The following DPP10 variants were observed in gnomAD, a reference collection of about 807,000 sequenced individuals.
The protein encoded by DPP10 is inactive dipeptidyl peptidase 10.
A neutral mutation model predicts 120.9 loss-of-function variants in DPP10; 33 were observed. The observed-to-expected ratio is 0.27, with a 90% CI of 0.21 to 0.37. DPP10 has a LOEUF of 0.37. Among genes scored for constraint, DPP10 ranks in the 10% least tolerant of loss-of-function variants. The pLI, the probability that DPP10 is intolerant of heterozygous loss-of-function variation, is 1.00. For missense variants in DPP10, 816 were observed against 942.8 expected, an observed-to-expected ratio of 0.87 and a Z score of 1.76; for synonymous variants, 337 against 326.1, an observed-to-expected ratio of 1.03 and a Z score of -0.36.
At chr2:115,284,324 C>A (rs1375148482) in intron 1 of DPP10, among the ~76,000 whole-genome samples, 1 of 152,010 alleles carries the variant, frequency 6.6e-6, no homozygotes, top group Non-Finnish European at 1.5e-5. Flanking sequence ...TGTCATGTTT[C>A]TGTTAAACCA....
intron 5 of DPP10, among the ~76,000 whole-genome samples, chr2:115,656,133 A>AACACACACACACACACAC (rs146572509): frequency 2.8e-5 from 4 of 143,228 alleles, no homozygotes; most frequent in African/African-American, 1.0e-4. Flanking sequence ...GTTCTTACCA[A>AACACACACACACACACAC]ACACACACAC....
In DPP10 at chr2:114,835,131, A is replaced by C. The variant is rs867523790; in HGVS notation, c.60+392293A>C. The C allele has an allele frequency of 1.8e-3, 254 of 141,432 alleles. 8 individuals carry two copies. The highest frequency in any genetic ancestry group is 5.1e-3 in the African/African-American group (184 of 36,008). 8.8% of individuals were successfully genotyped at this position (141,432 alleles called of 1,614,324 possible). A position where few individuals can be genotyped will look rare whatever the true frequency, so the allele number is the denominator to read the frequency against. On this transcript the variant is annotated intron_variant, in intron 1 of 25. Coordinates refer to ENST00000410059, the MANE Select transcript of DPP10 (RefSeq NM_020868.6). ...ATCTACACACCTATGTATATATAAG[A>C]CATATCTACACACCTATGTATATAT...
At chr2:115,284,029 C>A (rs2060266700) in intron 1 of DPP10, among the ~76,000 whole-genome samples, 1 of 151,906 alleles carries the variant, frequency 6.6e-6, no homozygotes, top group South Asian at 2.1e-4. Flanking sequence ...CAGAGTGTAT[C>A]CCGGTCCTTC....
At chr2:115,169,746 A>G (rs952891185) in intron 1 of DPP10, among the ~76,000 whole-genome samples, 1 of 152,164 alleles carries the variant, frequency 6.6e-6, no homozygotes, top group African/African-American at 2.4e-5. Context: ...CCGACTTTAC[A>G]TTTGGGAATG....
chr2:114,926,087 G>T (rs1695599342), intron 1 of DPP10, among the ~76,000 whole-genome samples: 1 of 152,144 alleles, frequency 6.6e-6, no homozygotes, highest in Admixed American at 6.5e-5. Context: ...CTGGAGAGAG[G>T]TCCAATTCAG....
chr2:114,968,019 AC>A (rs200205803), intron 1 of DPP10, among the ~76,000 whole-genome samples: 2,167 of 152,256 alleles, frequency 0.014, 49 homozygotes, highest in African/African-American at 0.05. Context: ...ACTGCATATA[AC>A]ATACAAAAAT....
chr2:114,857,812 C>T (rs1187078254), intron 1 of DPP10, among the ~76,000 whole-genome samples: 1 of 152,108 alleles, frequency 6.6e-6, no homozygotes, highest in Non-Finnish European at 1.5e-5. Flanking sequence ...GTGATGAACT[C>T]TCCTAAGAAG....
At chr2:115,013,130 T>C (rs1702381236) in intron 1 of DPP10, among the ~76,000 whole-genome samples, 2 of 152,204 alleles carry the variant, frequency 1.3e-5, no homozygotes, top group South Asian at 4.1e-4. Context: ...CAGTGGCTGA[T>C]AGTGGTTTTT....
intron 1 of DPP10, among the ~76,000 whole-genome samples, chr2:114,788,293 A>T (rs982879131): frequency 6.6e-6 from 1 of 152,212 alleles, no homozygotes; most frequent in Non-Finnish European, 1.5e-5. Flanking sequence ...GAGAAATGCC[A>T]TTTATACTCA....
intron 1 of DPP10, among the ~76,000 whole-genome samples, chr2:114,660,271 T>C (rs983863187): frequency 6.6e-6 from 1 of 152,218 alleles, no homozygotes; most frequent in Non-Finnish European, 1.5e-5. Flanking sequence ...ATTTACAGGA[T>C]GCATATATTA....
chr2:115,566,321 G>T (rs2081007011), intron 5 of DPP10, among the ~76,000 whole-genome samples: 9 of 151,946 alleles, frequency 5.9e-5, no homozygotes, highest in Admixed American at 5.9e-4. Flanking sequence ...TTTCTTGACT[G>T]AAAAAATTTA....
intron 1 of DPP10, among the ~76,000 whole-genome samples, chr2:114,817,884 G>A (rs553907930): frequency 4.8e-4 from 73 of 152,134 alleles, no homozygotes; most frequent in Non-Finnish European, 8.7e-4. Context: ...TTAGAAATGT[G>A]TATTTTTTAA....
chr2:114,572,024 G>A (rs980177188), intron 1 of DPP10, among the ~76,000 whole-genome samples: 1 of 149,778 alleles, frequency 6.7e-6, no homozygotes, highest in Non-Finnish European at 1.5e-5. Context: ...TTGTGTATAT[G>A]TAGTACATAT....
intron 1 of DPP10, among the ~76,000 whole-genome samples, chr2:114,748,084 C>T (rs1349626959): frequency 6.6e-6 from 1 of 151,972 alleles, no homozygotes; most frequent in Non-Finnish European, 1.5e-5. Context: ...TTTTATCTGT[C>T]ATTTTTATTT....
chr2:114,655,038 C>T (rs561044357), intron 1 of DPP10, among the ~76,000 whole-genome samples: 1 of 152,222 alleles, frequency 6.6e-6, no homozygotes, highest in South Asian at 2.1e-4. Flanking sequence ...AGTTAATATT[C>T]CTGTAACTTC....
chr2:115,226,792 A>T (rs960300368), intron 1 of DPP10, among the ~76,000 whole-genome samples: 1 of 152,180 alleles, frequency 6.6e-6, no homozygotes, highest in African/African-American at 2.4e-5. Flanking sequence ...ATTTCAGAGC[A>T]AAGTTTCTTG....
intron 1 of DPP10, among the ~76,000 whole-genome samples, chr2:114,664,151 G>A (rs1373367153): frequency 6.6e-6 from 1 of 151,848 alleles, no homozygotes; most frequent in Non-Finnish European, 1.5e-5. Flanking sequence ...TCATATTTTT[G>A]CACTCAAAGC....
At chr2:114,863,860 T>C (rs1690014775) in intron 1 of DPP10, among the ~76,000 whole-genome samples, 1 of 152,168 alleles carries the variant, frequency 6.6e-6, no homozygotes, top group African/African-American at 2.4e-5. Context: ...AAGGGAAAGA[T>C]ATGAATGAAT....
At chr2:115,447,104 A>G (rs555814406) in intron 3 of DPP10, among the ~76,000 whole-genome samples, 5 of 152,176 alleles carry the variant, frequency 3.3e-5, no homozygotes, top group Admixed American at 1.3e-4. Flanking sequence ...AGGCCATGTG[A>G]ATACACCATT....
Sources: allele counts gnomAD v4.1 joint callset (sites outside exome capture counted in the v4.1 genomes callset), GRCh38; gene constraint gnomAD v4.1.1; transcripts MANE v1.5; gene names NCBI Gene and HGNC (gene_info 2026-07-23, HGNC 2026-07-21).